KIF26B: variants seen among roughly 807,000 people sequenced by gnomAD.
KIF26B encodes the protein kinesin-like protein KIF26B.
In KIF26B, 63 loss-of-function variants were observed where a neutral mutation model predicts 151.2. That is an observed-to-expected ratio of 0.42 (90% CI 0.34 to 0.51). The LOEUF is 0.51. KIF26B is among the 20% of genes least tolerant of loss of function. The pLI is 0.07. For synonymous variants in KIF26B, 1,357 were observed against 1,262.1 expected (o/e 1.08, Z -1.59); for missense variants, 2,813 against 2,913.6 (o/e 0.97, Z 0.79).
At position 245,597,726 on chromosome 1, in the gene KIF26B, T is replaced by G. The variant is rs1314551430; in HGVS notation, c.1351-4851T>G. On this transcript the variant is annotated intron_variant, in intron 5 of 14. Transcript: ENST00000407071. The surrounding 1 kb of genome is among the most constrained non-coding windows in gnomAD (Gnocchi z 4.6). Reference sequence around the variant, plus strand: ...CTGGATAATATCCTGAAGAGTGGTTTCCAACTTGGTTCCATTCTCCCTATC... The same window carrying G: ...CTGGATAATATCCTGAAGAGTGGTTGCCAACTTGGTTCCATTCTCCCTATC... Among the ~76,000 whole-genome samples the G allele has an allele frequency of 2.6e-5, 4 of 152,200 alleles. No homozygotes were observed. The highest frequency in any genetic ancestry group is 5.9e-5 in the Non-Finnish European group (4 of 68,040).
At chr1:245,274,766 G>T (rs1464839052) in intron 2 of KIF26B, among the ~76,000 whole-genome samples, 1 of 152,062 alleles carries the variant, frequency 6.6e-6, no homozygotes, top group Non-Finnish European at 1.5e-5. Context: ...TGCTGGGTCA[G>T]ATGATATTTC....
chr1:245,470,633 A>T (rs375352625), intron 4 of KIF26B, among the ~76,000 whole-genome samples: 36 of 151,202 alleles, frequency 2.4e-4, no homozygotes, highest in South Asian at 4.2e-4. Context: ...GGTTTCACCG[A>T]GTTAGCCAGG....
chr1:245,588,293 C>T (rs141116634), intron 5 of KIF26B, among the ~76,000 whole-genome samples: 59 of 152,288 alleles, frequency 3.9e-4, no homozygotes, highest in African/African-American at 1.4e-3. Flanking sequence ...AGAGAAGACA[C>T]GTCCTCCTAA....
chr1:245,439,543 T>C (rs750246486), intron 4 of KIF26B, among the ~76,000 whole-genome samples: 1 of 152,098 alleles, frequency 6.6e-6, no homozygotes, highest in Non-Finnish European at 1.5e-5. Flanking sequence ...TAACTATTTT[T>C]TCCCCCAAGG....
intron 3 of KIF26B, among the ~76,000 whole-genome samples, chr1:245,400,651 A>G (rs966007070): frequency 6.6e-6 from 1 of 152,224 alleles, no homozygotes; most frequent in Non-Finnish European, 1.5e-5. Flanking sequence ...TTAGAGTTCA[A>G]AGACTTGGTA....
chr1:245,599,763 G>A (rs2043371819), intron 5 of KIF26B, among the ~76,000 whole-genome samples: 1 of 152,164 alleles, frequency 6.6e-6, no homozygotes, highest in Non-Finnish European at 1.5e-5. Flanking sequence ...CACACATGCT[G>A]TGTAACTGGG....
chr1:245,676,253 TA>T (rs1292933908), intron 10 of KIF26B: 2 of 152,220 alleles, frequency 1.3e-5, no homozygotes. Flanking sequence ...GAGCAGAACT[TA>T]AGAATGAGAA....
At chr1:245,190,808 C>T (rs1390199169) in intron 2 of KIF26B, among the ~76,000 whole-genome samples, 4 of 151,478 alleles carry the variant, frequency 2.6e-5, no homozygotes, top group African/African-American at 9.7e-5. Flanking sequence ...GCCTATAATC[C>T]CAGCACTTTG....
chr1:245,369,332 G>A (rs114024175), intron 3 of KIF26B, among the ~76,000 whole-genome samples: 1,971 of 152,228 alleles, frequency 0.013, 40 homozygotes, highest in African/African-American at 0.045. Context: ...TTGTTACGCC[G>A]GACAAGATAC....
intron 2 of KIF26B, among the ~76,000 whole-genome samples, chr1:245,287,411 G>A (rs1006223869): frequency 2.0e-5 from 3 of 149,016 alleles, no homozygotes; most frequent in East Asian, 2.0e-4. Flanking sequence ...ATATAAATGC[G>A]TTTTTTTCTT....
chr1:245,275,377 G>C (rs1177155327), intron 2 of KIF26B, among the ~76,000 whole-genome samples: 1 of 152,078 alleles, frequency 6.6e-6, no homozygotes, highest in African/African-American at 2.4e-5. Flanking sequence ...CCATTGCTTT[G>C]GTGTTTTAGT....
chr1:245,242,676 G>GCGAC (rs1264217639), intron 2 of KIF26B, among the ~76,000 whole-genome samples: 5 of 151,012 alleles, frequency 3.3e-5, no homozygotes, highest in Admixed American at 6.6e-5. Flanking sequence ...GTTTGAGATG[G>GCGAC]AATCTTGCTC....
intron 2 of KIF26B, among the ~76,000 whole-genome samples, chr1:245,364,382 C>A (rs1672891773): frequency 6.7e-6 from 1 of 149,770 alleles, no homozygotes; most frequent in Non-Finnish European, 1.5e-5. Context: ...TGGAAATAAA[C>A]TGTGATGTGC....
chr1:245,177,164 A>G (rs1668822482), intron 2 of KIF26B, among the ~76,000 whole-genome samples: 1 of 152,172 alleles, frequency 6.6e-6, no homozygotes, highest in African/African-American at 2.4e-5. Flanking sequence ...TGTGTTGCCC[A>G]GGCTGGCCTC....
Position 245,688,804 on chromosome 1 carries a change from C to A in KIF26B, c.5821C>A (p.Pro1941Thr). ...SLKTPKKRSN[P>T]GSQRRRLIPA... is the part of the protein sequence containing the mutation. The stretch of plus-strand genomic sequence containing the variant: ...CAAGACCCCGAAGAAACGCTCCAAT[C>A]CAGGTAGGCGGCTGGGCGCAGGGAC... Residue 1941 changes from proline to threonine, a missense_variant, in exon 12 of 15, where the codon CCA (proline) becomes ACA (threonine). By Grantham distance (38) the Pro-to-Thr change is conservative. Transcript: ENST00000407071. 1.3e-6 allele frequency: 2 copies of A among 1,572,662 alleles called. No individual in the cohort carries two copies. Among genetic ancestry groups the A allele is most frequent in the African/African-American group, 1.4e-5 (1 of 73,684 alleles).
At position 245,312,666 on chromosome 1, in the gene KIF26B, A is replaced by C. The variant is rs1671685207; in HGVS notation, c.466-54168A>C. ...AGTGTTGCTTCCCCTTTTTATGGAA[A>C]AAAGTAGGTCTCAGAGAGGTTACGT... On this transcript the variant is annotated intron_variant, in intron 2 of 14. Coordinates refer to ENST00000407071, the MANE Select transcript of KIF26B (RefSeq NM_018012.4). Among the ~76,000 whole-genome samples, 3 of 152,262 alleles carry C rather than the reference A, an allele frequency of 2.0e-5. 1 individual carries two copies. The Middle Eastern group carries it at 0.01, about 518-fold the overall frequency.
chr1:245,603,619 C>G (rs915641862), intron 6 of KIF26B, among the ~76,000 whole-genome samples: 1 of 152,148 alleles, frequency 6.6e-6, no homozygotes, highest in African/African-American at 2.4e-5. Context: ...ACCAGGTCAG[C>G]TGGTCTCTCT....
chr1:245,188,468 A>G (rs1004230252), intron 2 of KIF26B, among the ~76,000 whole-genome samples: 4 of 152,090 alleles, frequency 2.6e-5, no homozygotes, highest in Non-Finnish European at 5.9e-5. Flanking sequence ...TTTTGACTGA[A>G]TAGCTCAATT....
chr1:245,279,090 A>G (rs1670989345), intron 2 of KIF26B, among the ~76,000 whole-genome samples: 1 of 152,060 alleles, frequency 6.6e-6, no homozygotes, highest in African/African-American at 2.4e-5. Flanking sequence ...GGAGATGGGG[A>G]AGGATCATGG....
Sources: gnomAD v4.1 joint callset for allele counts (sites outside exome capture counted in the v4.1 genomes callset) on GRCh38, gnomAD v4.1.1 for gene constraint, Gnocchi (gnomAD v3.1) non-coding constraint, MANE v1.5 for transcripts, NCBI Gene and HGNC (gene_info 2026-07-23, HGNC 2026-07-21) for gene names.